Variants in SNX27 observed in about 807,000 individuals in gnomAD.
SNX27 encodes the protein sorting nexin-27.
Under a neutral mutation model 71.6 loss-of-function variants are expected in SNX27, and 22 were observed. The observed-to-expected ratio is 0.31, with a 90% confidence interval of 0.22 to 0.44. SNX27 has a LOEUF of 0.44. SNX27 is among the 20% of genes least tolerant of loss of function. SNX27 has a pLI of 1.00. For synonymous variants in SNX27, 269 were observed against 277.2 expected (o/e 0.97, Z 0.29); for missense variants, 531 against 698.6 (o/e 0.76, Z 2.70).
intron 7 of SNX27, 142 bp downstream of exon 7, chr1:151,668,777 T>G: frequency 3.3e-6 from 2 of 597,680 alleles, no homozygotes; most frequent in South Asian, 3.4e-5. Context: ...TCTATCCCAT[T>G]TCACGAAAGA....
intron 5 of SNX27, among the ~76,000 whole-genome samples, chr1:151,664,108 A>T (rs1468409358): frequency 6.8e-6 from 1 of 147,510 alleles, no homozygotes; most frequent in Non-Finnish European, 1.5e-5. Flanking sequence ...AAATATAATT[A>T]TATATATTAA....
chr1:151,689,915 C>T (rs1229447837), intron 8 of SNX27, among the ~76,000 whole-genome samples: 5 of 152,038 alleles, frequency 3.3e-5, no homozygotes, highest in Non-Finnish European at 5.9e-5. Context: ...GTGGCACAAT[C>T]CCGGCTCACT....
At position 151,698,091 on chromosome 1, in the gene SNX27, C is replaced by T. The variant is rs1482027939; in HGVS notation, c.*3674C>T. On this transcript the variant is annotated 3_prime_UTR_variant, in exon 12 of 12. Coordinates refer to ENST00000458013, the MANE Select transcript of SNX27 (RefSeq NM_001330723.2). ...ACAGATATGTGCATGCTCAGGGCAG[C>T]TCCTAGGCCTGGACTGAGCTCTCAG... is the stretch of plus-strand genomic sequence containing the variant. The T allele has an allele frequency of 2.0e-5, 3 of 151,436 alleles. No homozygotes were observed. The highest frequency in any genetic ancestry group is 7.3e-5 in the African/African-American group (3 of 40,900). 9.4% of individuals were successfully genotyped at this position (151,436 alleles called of 1,614,324 possible). A position where few individuals can be genotyped will look rare whatever the true frequency, so the allele number is the denominator to read the frequency against.
chr1:151,655,065 A>AT (rs1669621463), intron 2 of SNX27, among the ~76,000 whole-genome samples: 1 of 151,840 alleles, frequency 6.6e-6, no homozygotes, highest in East Asian at 1.9e-4. Context: ...ATGCAGTGTG[A>AT]TTGGGTGCTA....
intron 8 of SNX27, among the ~76,000 whole-genome samples, chr1:151,690,915 G>A (rs1671411496): frequency 6.6e-6 from 1 of 152,182 alleles, no homozygotes; most frequent in African/African-American, 2.4e-5. Context: ...ATGGGGCCAG[G>A]ATTCAAGCCC....
rs1324929163 is a variant in SNX27 at position 151,651,153 on chromosome 1, G to A, written c.544-7082G>A. Reference sequence around the variant, plus strand: ...GACGGGGTGGTGGCCGGGCAGAGGGGCTCCTCACTTCCCAGTAGGGGCGGC... The same window carrying A: ...GACGGGGTGGTGGCCGGGCAGAGGGACTCCTCACTTCCCAGTAGGGGCGGC... On this transcript the variant is annotated intron_variant, in intron 2 of 11. Transcript: ENST00000458013. Among the ~76,000 whole-genome samples the A allele has an allele frequency of 7.6e-4, 116 of 152,004 alleles. 2 individuals carry two copies. The East Asian group carries it at 0.015, about 20-fold the overall frequency.
intron 1 of SNX27, among the ~76,000 whole-genome samples, chr1:151,618,741 C>G (rs1667543024): frequency 6.6e-6 from 1 of 152,162 alleles, no homozygotes; most frequent in African/African-American, 2.4e-5. Flanking sequence ...TGAGCATAAT[C>G]TTTGGCAGGT....
intron 2 of SNX27, among the ~76,000 whole-genome samples, chr1:151,653,108 G>A (rs766177017): frequency 5.3e-5 from 8 of 151,948 alleles, no homozygotes; most frequent in Non-Finnish European, 1.0e-4. Context: ...TGTATTTTTA[G>A]TAGAGACAGG....
At chr1:151,652,283 C>T (rs568229823) in intron 2 of SNX27, among the ~76,000 whole-genome samples, 1 of 150,724 alleles carries the variant, frequency 6.6e-6, no homozygotes, top group Admixed American at 6.6e-5. Context: ...GAATCTTAAT[C>T]TAATTTTTCT....
chr1:151,676,238 C>A, intron 7 of SNX27: 1 of 130,044 alleles, frequency 7.7e-6, no homozygotes, highest in Non-Finnish European at 1.6e-5. Context: ...TTACTCTGTT[C>A]CATTGTTTTT....
chr1:151,675,517 A>T (rs1298922477), intron 7 of SNX27, among the ~76,000 whole-genome samples: 2 of 151,340 alleles, frequency 1.3e-5, no homozygotes, highest in African/African-American at 4.9e-5. Context: ...TATGTTGTTT[A>T]GTCATTCCCT....
intron 9 of SNX27, 48 bp from the exon 10 acceptor site, chr1:151,692,862 GC>G: frequency 6.2e-7 from 1 of 1,611,938 alleles, no homozygotes; most frequent in Non-Finnish European, 8.5e-7. Context: ...CAGTTCCCCA[GC>G]ACTCTGAAAC....
chr1:151,696,489 C>CG lies in SNX27; in HGVS notation c.*2072_*2073insG, dbSNP rs1374928264. The CG allele has an allele frequency of 2.2e-5, 3 of 133,616 alleles. No homozygotes were observed. The highest frequency in any genetic ancestry group is 3.1e-5 in the Non-Finnish European group (2 of 63,920). 8.3% of individuals were successfully genotyped at this position (133,616 alleles called of 1,614,324 possible). On this transcript the variant is annotated 3_prime_UTR_variant, in exon 12 of 12. Transcript: ENST00000458013. ...TCTTTCTTTCTTTCTTTCTTTCTTTCTTTCTTTCTTTCTTTCGTTCTTTCG... is the reference window on the plus strand; with the variant it reads ...TCTTTCTTTCTTTCTTTCTTTCTTTCGTTTCTTTCTTTCTTTCGTTCTTTCG...
At chr1:151,645,614 A>AATTAAGG (rs1323059098) in intron 2 of SNX27, among the ~76,000 whole-genome samples, 1 of 152,210 alleles carries the variant, frequency 6.6e-6, no homozygotes, top group Non-Finnish European at 1.5e-5. Flanking sequence ...TTATTCTTAG[A>AATTAAGG]ATTAAGGATC....
chr1:151,638,171 A>G (rs1668556584), intron 1 of SNX27, among the ~76,000 whole-genome samples: 1 of 152,236 alleles, frequency 6.6e-6, no homozygotes, highest in African/African-American at 2.4e-5. Flanking sequence ...TTATAGGTGT[A>G]TATTTTTTAG....
At position 151,696,094 on chromosome 1, in the gene SNX27, C is replaced by G. The variant is rs1159538606; in HGVS notation, c.*1677C>G. The G allele has an allele frequency of 6.6e-6, 1 of 152,186 alleles. No individual in the cohort carries two copies. The highest frequency in any genetic ancestry group is 1.5e-5 in the Non-Finnish European group (1 of 68,044). The allele number at this position is 152,186 out of a possible 1,614,324, so 9.4% of individuals were successfully genotyped here. A position where few individuals can be genotyped will look rare whatever the true frequency, so the allele number is the denominator to read the frequency against. On this transcript the variant is annotated 3_prime_UTR_variant, in exon 12 of 12. Coordinates refer to ENST00000458013, the MANE Select transcript of SNX27 (RefSeq NM_001330723.2). ...AATTGAAAGGAGACTGAACGAAAAC[C>G]TTTCTGCTTTCTGTCCGTTAAAGAG...
intron 6 of SNX27, 146 bp downstream of exon 6, chr1:151,666,157 A>C: frequency 2.1e-6 from 1 of 484,962 alleles, no homozygotes; most frequent in Non-Finnish European, 3.6e-6. Flanking sequence ...CATTAAACTC[A>C]GGTCATAAGC....
chr1:151,691,803 CGCGCCTG>C (rs1280890507), intron 8 of SNX27, among the ~76,000 whole-genome samples: 2 of 151,950 alleles, frequency 1.3e-5, no homozygotes, highest in Non-Finnish European at 2.9e-5. Context: ...CGTGAGCCAC[CGCGCCTG>C]GCCTGTATCT....
chr1:151,616,873 T>G (rs28705021), intron 1 of SNX27, among the ~76,000 whole-genome samples: 1 of 152,218 alleles, frequency 6.6e-6, no homozygotes, highest in Non-Finnish European at 1.5e-5. Flanking sequence ...TATGATTCAG[T>G]AGATCTTTCA....
Sources: allele counts gnomAD v4.1 joint callset (sites outside exome capture counted in the v4.1 genomes callset), GRCh38; gene constraint gnomAD v4.1.1; transcripts MANE v1.5; gene names NCBI Gene and HGNC (gene_info 2026-07-23, HGNC 2026-07-21).